ETV6: variants seen among roughly 807,000 people sequenced by gnomAD.
The protein encoded by ETV6 is ETS variant transcription factor 6, also known as transcription factor ETV6.
In ETV6, 16 loss-of-function variants were observed where a neutral mutation model predicts 51.1. That is an observed-to-expected ratio of 0.31 (90% confidence interval 0.21 to 0.48). ETV6 has a LOEUF of 0.48. Among genes scored for constraint, ETV6 ranks in the 20% least tolerant of loss-of-function variants. The probability of loss-of-function intolerance (pLI) is 0.99; values close to 1 mark genes in which losing one functional copy is unlikely to be tolerated. For missense variants in ETV6, 458 were observed against 594.8 expected, an observed-to-expected ratio of 0.77 and a Z score of 2.39; for synonymous variants, 240 against 224.1, an observed-to-expected ratio of 1.07 and a Z score of -0.64.
At chr12:11,856,033 G>T (rs1455316072) in intron 4 of ETV6, among the ~76,000 whole-genome samples, 1 of 151,922 alleles carries the variant, frequency 6.6e-6, no homozygotes, top group South Asian at 2.1e-4. Flanking sequence ...ATCTCATTTG[G>T]AATTTAGCCC....
At chr12:11,775,718 T>C (rs867867708) in intron 2 of ETV6, among the ~76,000 whole-genome samples, 21 of 152,234 alleles carry the variant, frequency 1.4e-4, no homozygotes, top group African/African-American at 4.8e-4. Flanking sequence ...TAAGTTTTCC[T>C]GTCGGGTGAG....
At chr12:11,887,548 G>A (rs1464139988) in intron 7 of ETV6, among the ~76,000 whole-genome samples, 1 of 151,944 alleles carries the variant, frequency 6.6e-6, no homozygotes, top group African/African-American at 2.4e-5. Flanking sequence ...AAGAGATCGA[G>A]ACCATCCTGG....
At chr12:11,751,480 T>C (rs1866027379) in intron 1 of ETV6, 3 of 517,384 alleles carry the variant, frequency 5.8e-6, no homozygotes, top group Non-Finnish European at 3.9e-6. Flanking sequence ...CAAGTCAACC[T>C]AGTTGGCATG....
chr12:11,860,128 G>A (rs969363676), intron 4 of ETV6, among the ~76,000 whole-genome samples: 1 of 152,158 alleles, frequency 6.6e-6, no homozygotes, highest in East Asian at 1.9e-4. Flanking sequence ...CTCAGTGCAG[G>A]TCACGCCTTG....
At chr12:11,886,508 A>G (rs1947187787) in intron 7 of ETV6, among the ~76,000 whole-genome samples, 1 of 152,174 alleles carries the variant, frequency 6.6e-6, no homozygotes, top group Admixed American at 6.5e-5. Context: ...GATAGAGTTG[A>G]AAATGCCAGA....
chr12:11,781,846 C>T (rs1419232105), intron 2 of ETV6, among the ~76,000 whole-genome samples: 1 of 152,024 alleles, frequency 6.6e-6, no homozygotes, highest in East Asian at 1.9e-4. Context: ...TTCTCTGTAC[C>T]TTTATGTTAA....
intron 4 of ETV6, among the ~76,000 whole-genome samples, chr12:11,865,272 G>A (rs1293181010): frequency 3.4e-5 from 5 of 146,398 alleles, no homozygotes; most frequent in Non-Finnish European, 7.5e-5. Context: ...AAAAAAAATA[G>A]TGTCAACATA....
At chr12:11,835,429 A>C (rs1946303279) in intron 2 of ETV6, among the ~76,000 whole-genome samples, 4 of 152,238 alleles carry the variant, frequency 2.6e-5, no homozygotes. Flanking sequence ...AAGTTGCAAG[A>C]GATGGCCGTA....
At chr12:11,818,299 C>T (rs1361688508) in intron 2 of ETV6, among the ~76,000 whole-genome samples, 1 of 152,174 alleles carries the variant, frequency 6.6e-6, no homozygotes, top group Non-Finnish European at 1.5e-5. Flanking sequence ...GAGCAGATCA[C>T]GTGAGGCCAG....
chr12:11,857,851 T>A (rs933104238), intron 4 of ETV6, among the ~76,000 whole-genome samples: 1 of 152,204 alleles, frequency 6.6e-6, no homozygotes, highest in African/African-American at 2.4e-5. Context: ...GCTAAATGGT[T>A]TCTGCAGTCT....
intron 2 of ETV6, among the ~76,000 whole-genome samples, chr12:11,819,487 C>G (rs1020734851): frequency 2.0e-5 from 3 of 152,218 alleles, no homozygotes; most frequent in South Asian, 2.1e-4. Flanking sequence ...CTAGCCTGGG[C>G]CTTTCTCTTA....
At chr12:11,885,868 A>AGGTTCATTT in intron 6 of ETV6, 58 bp from the exon 7 acceptor site, 1 of 1,295,310 alleles carries the variant, frequency 7.7e-7, no homozygotes, top group Non-Finnish European at 1.1e-6. Flanking sequence ...GCCTTTTCTG[A>AGGTTCATTT]GGTTCATTTC....
At chr12:11,677,161 G>C (rs1338279883) in intron 1 of ETV6, among the ~76,000 whole-genome samples, 1 of 152,146 alleles carries the variant, frequency 6.6e-6, no homozygotes, top group East Asian at 1.9e-4. Context: ...TGGCTCTCTG[G>C]ATATTCCTGT....
chr12:11,676,929 C>T (rs958877818), intron 1 of ETV6, among the ~76,000 whole-genome samples: 2 of 152,208 alleles, frequency 1.3e-5, no homozygotes, highest in Non-Finnish European at 2.9e-5. Flanking sequence ...GGACTATTAG[C>T]AGAGGGTAAT....
intron 4 of ETV6, among the ~76,000 whole-genome samples, chr12:11,865,507 TTGTG>T (rs963828590): frequency 5.3e-5 from 8 of 150,954 alleles, no homozygotes; most frequent in African/African-American, 1.9e-4. Flanking sequence ...TGCAACCTTC[TTGTG>T]TGTGTGTTTG....
At chr12:11,880,949 G>A (rs754035904) in intron 5 of ETV6, among the ~76,000 whole-genome samples, 4 of 152,022 alleles carry the variant, frequency 2.6e-5, no homozygotes, top group African/African-American at 7.3e-5. Flanking sequence ...TTTCCCCCTA[G>A]AGATACAGTC....
At chr12:11,667,696 ATTTTTTT>A (rs34458275) in intron 1 of ETV6, among the ~76,000 whole-genome samples, 2,445 of 73,012 alleles carry the variant, frequency 0.033, 83 homozygotes, top group African/African-American at 0.11. Flanking sequence ...TACCTGGCTA[ATTTTTTT>A]TTTTTTTTTT....
rs542838784 is a variant in ETV6, at chr12:11,713,261, C to T, written c.34-39189C>T. ...ATATTTATCTGATACAGTTCTTCTG[C>T]CCTAACACATACGTGTGCATTGCCT... On this transcript the variant is annotated intron_variant, in intron 1 of 7. Transcript: ENST00000396373. 3.9e-5 allele frequency among the ~76,000 whole-genome samples: 6 copies of T among 152,252 alleles called. No homozygotes were observed. The South Asian group carries it at 1.2e-3, about 32-fold the overall frequency.
At chr12:11,759,996 G>A (rs967871114) in intron 2 of ETV6, among the ~76,000 whole-genome samples, 1 of 152,194 alleles carries the variant, frequency 6.6e-6, no homozygotes, top group Non-Finnish European at 1.5e-5. Context: ...CGTTAGCAGC[G>A]ACGTTTAGAT....
Sources: allele counts gnomAD v4.1 joint callset (sites outside exome capture counted in the v4.1 genomes callset), GRCh38; gene constraint gnomAD v4.1.1; transcripts MANE v1.5; gene names NCBI Gene and HGNC (gene_info 2026-07-23, HGNC 2026-07-21).